Variants in WIPF1 observed in about 807,000 individuals in gnomAD.
WIPF1 encodes WAS/WASL-interacting protein family member 1.
WIPF1 carries 13 observed loss-of-function variants against 35.4 expected under a neutral mutation model. That is an observed-to-expected ratio of 0.37 (90% confidence interval 0.24 to 0.58). WIPF1 has a LOEUF of 0.58. Among genes scored for constraint, WIPF1 ranks in the 20% least tolerant of loss-of-function variants. The probability of loss-of-function intolerance (pLI) is 0.74; values close to 1 mark genes in which losing one functional copy is unlikely to be tolerated. For synonymous variants in WIPF1, 267 were observed against 266.3 expected (o/e 1.00, Z -0.02); for missense variants, 591 against 667.0 (o/e 0.89, Z 1.25).
At chr2:174,594,695 T>G (rs1233892733) in intron 1 of WIPF1, among the ~76,000 whole-genome samples, 3 of 93,340 alleles carry the variant, frequency 3.2e-5, no homozygotes, top group African/African-American at 1.1e-4. Context: ...TCTCTTTCTC[T>G]CTCTCTCTCT....
chr2:174,593,747 T>C (rs1685705613), intron 1 of WIPF1, among the ~76,000 whole-genome samples: 1 of 152,260 alleles, frequency 6.6e-6, no homozygotes, highest in Non-Finnish European at 1.5e-5. Flanking sequence ...TTCTATTTTA[T>C]GACGCGAGTC....
intron 1 of WIPF1, among the ~76,000 whole-genome samples, chr2:174,655,268 G>T (rs540334749): frequency 6.6e-6 from 1 of 152,004 alleles, no homozygotes; most frequent in African/African-American, 2.4e-5. Flanking sequence ...TCCCTTGCCC[G>T]GCCTTCTGTA....
chr2:174,593,578 A>G (rs999040859), intron 1 of WIPF1, among the ~76,000 whole-genome samples: 1 of 152,222 alleles, frequency 6.6e-6, no homozygotes, highest in Admixed American at 6.5e-5. Flanking sequence ...AGCTGGATGT[A>G]TTTAAGATCT....
At chr2:174,563,381 G>A (rs1368398115) in intron 7 of WIPF1, among the ~76,000 whole-genome samples, 15 of 152,148 alleles carry the variant, frequency 9.9e-5, no homozygotes, top group Non-Finnish European at 5.9e-5. Flanking sequence ...AGACCAGTCT[G>A]GGCAACATAG....
intron 2 of WIPF1, among the ~76,000 whole-genome samples, chr2:174,585,290 C>A (rs1025114788): frequency 6.6e-6 from 1 of 152,218 alleles, no homozygotes; most frequent in Non-Finnish European, 1.5e-5. Flanking sequence ...ACCTCATCAG[C>A]CACATTCCAC....
chr2:174,595,154 G>T (rs1685777427), intron 1 of WIPF1, among the ~76,000 whole-genome samples: 1 of 129,042 alleles, frequency 7.7e-6, no homozygotes, highest in African/African-American at 3.0e-5. Context: ...AACTGGGCAT[G>T]GTGGCACACA....
chr2:174,635,192 G>A (rs972383045), intron 1 of WIPF1, among the ~76,000 whole-genome samples: 13 of 152,140 alleles, frequency 8.5e-5, no homozygotes, highest in Non-Finnish European at 1.3e-4. Context: ...TTGTTGGTTC[G>A]GAAAACAAAA....
At chr2:174,661,422 C>G (rs757307879) in intron 1 of WIPF1, among the ~76,000 whole-genome samples, 5 of 152,102 alleles carry the variant, frequency 3.3e-5, no homozygotes, top group Non-Finnish European at 5.9e-5. Flanking sequence ...CTCTCTTTTC[C>G]GGACTTGTCC....
intron 1 of WIPF1, among the ~76,000 whole-genome samples, chr2:174,630,988 A>T (rs2105931842): frequency 6.6e-6 from 1 of 152,336 alleles, no homozygotes; most frequent in East Asian, 1.9e-4. Context: ...AAAAATGATA[A>T]TGATCTTATA....
upstream of WIPF1, among the ~76,000 whole-genome samples, chr2:174,601,086 TA>T (rs911236122): frequency 2.0e-5 from 3 of 149,634 alleles, no homozygotes; most frequent in Non-Finnish European, 4.4e-5. Flanking sequence ...CACGCCTGGC[TA>T]ATTTTTTTTT....
chr2:174,619,346 A>C (rs774109887), intron 1 of WIPF1, among the ~76,000 whole-genome samples: 1 of 152,148 alleles, frequency 6.6e-6, no homozygotes, highest in Admixed American at 6.5e-5. Flanking sequence ...TTAACACTTA[A>C]CATTAAGTGA....
chr2:174,656,927 C>A (rs1373540606), intron 1 of WIPF1, among the ~76,000 whole-genome samples: 1 of 152,218 alleles, frequency 6.6e-6, no homozygotes, highest in Non-Finnish European at 1.5e-5. Context: ...TAGACAGCTA[C>A]TCAGTGCCTT....
chr2:174,676,153 G>A (rs1397722525), intron 1 of WIPF1, among the ~76,000 whole-genome samples: 4 of 150,752 alleles, frequency 2.7e-5, no homozygotes, highest in Non-Finnish European at 4.4e-5. Flanking sequence ...TAGAGACTGG[G>A]TCCCACTATG....
chr2:174,668,601 T>C (rs1687943793), intron 1 of WIPF1, among the ~76,000 whole-genome samples: 1 of 152,198 alleles, frequency 6.6e-6, no homozygotes, highest in African/African-American at 2.4e-5. Context: ...AATGTATGTC[T>C]ATGATGGGTA....
Position 174,619,898 on chromosome 2 carries a change from C to T in WIPF1, c.-38-34287G>A, listed in dbSNP as rs187045396. ...TCGACGTTGCAAGAAGCCATGACTG[C>T]GCCACTGCACTCCAGCCTGGGCCAC... On this transcript the variant is annotated intron_variant, in intron 1 of 8. Transcript: ENST00000272746. Among the ~76,000 whole-genome samples the T allele has an allele frequency of 1.4e-4, 21 of 151,476 alleles. No individual in the cohort carries two copies. The East Asian group carries it at 2.7e-3, about 20-fold the overall frequency.
chr2:174,618,101 C>T (rs1424200254), intron 1 of WIPF1, among the ~76,000 whole-genome samples: 2 of 152,236 alleles, frequency 1.3e-5, no homozygotes, highest in Non-Finnish European at 2.9e-5. Flanking sequence ...TTATACTCTT[C>T]AAGTCCTCTT....
At chr2:174,608,953 G>A (rs1282637001) in intron 1 of WIPF1, among the ~76,000 whole-genome samples, 3 of 152,116 alleles carry the variant, frequency 2.0e-5, no homozygotes, top group African/African-American at 4.8e-5. Flanking sequence ...TGCACCTCTG[G>A]GCCTGACACC....
In WIPF1 at chr2:174,677,493, G is replaced by T. The variant is rs144748430; in HGVS notation, c.-39+5281C>A. On this transcript the variant is annotated intron_variant, in intron 1 of 8. Coordinates refer to the WIPF1 transcript ENST00000272746. ...GGGTGAATTTCAAGCCACATGTGAAGCCCAGAACAATAGCGATGGAAACTA... is the reference window on the plus strand; with the variant it reads ...GGGTGAATTTCAAGCCACATGTGAATCCCAGAACAATAGCGATGGAAACTA... Among the ~76,000 whole-genome samples the T allele has an allele frequency of 3.0e-4, 45 of 152,316 alleles. 1 individual carries two copies. In the East Asian group the frequency reaches 8.3e-3, roughly 28 times the overall value.
rs951647243 is a variant in WIPF1, at chr2:174,614,511, A to G, written c.-38-28900T>C. 2.5e-3 allele frequency among the ~76,000 whole-genome samples: 388 copies of G among 152,280 alleles called. 10 individuals are homozygous for G. The highest frequency in any genetic ancestry group is 6.9e-4 in the Non-Finnish European group (47 of 68,022). ...AAGATCTGATTTAACTACGTAAGTGAGAAAAAAAAACATGCCACAATTCCT... is the reference window on the plus strand; with the variant it reads ...AAGATCTGATTTAACTACGTAAGTGGGAAAAAAAAACATGCCACAATTCCT... On this transcript the variant is annotated intron_variant, in intron 1 of 8. Coordinates refer to the WIPF1 transcript ENST00000272746.
Sources: allele counts gnomAD v4.1 joint callset (sites outside exome capture counted in the v4.1 genomes callset), GRCh38; gene constraint gnomAD v4.1.1; transcripts MANE v1.5; gene names NCBI Gene and HGNC (gene_info 2026-07-23, HGNC 2026-07-21).